MALRD1: variants seen among roughly 807,000 people sequenced by gnomAD.
The protein encoded by MALRD1 is MAM and LDL-receptor class A domain-containing protein 1.
Under a neutral mutation model 242.1 loss-of-function variants are expected in MALRD1, and 247 were observed. The observed-to-expected ratio is 1.02, with a 90% CI of 0.92 to 1.13. The LOEUF (loss-of-function observed/expected upper bound fraction) is 1.13. Ranked by LOEUF, MALRD1 falls within the 50% of genes most tolerant of loss-of-function variation. MALRD1 has a pLI of 0.00. For synonymous variants in MALRD1, 995 were observed against 866.6 expected (o/e 1.15, Z -2.60); for missense variants, 2,989 against 2,533.1 (o/e 1.18, Z -3.86).
Position 19,653,183 on chromosome 10 carries a change from T to C in MALRD1, c.6137+37260T>C, listed in dbSNP as rs188552497. On this transcript the variant is annotated intron_variant, in intron 36 of 39. Coordinates refer to ENST00000454679, the MANE Select transcript of MALRD1 (RefSeq NM_001142308.3). ...TCAGTTTCCATCTCTTGCTGATTTC[T>C]CTTTTATATTTTATTATTATTATTT... Among the ~76,000 whole-genome samples the C allele has an allele frequency of 2.7e-4, 41 of 152,146 alleles. 1 individual carries two copies. The highest frequency in any genetic ancestry group is 2.3e-3 in the Admixed American group (35 of 15,278).
At chr10:19,340,515 A>C (rs902765755) in intron 24 of MALRD1, among the ~76,000 whole-genome samples, 1 of 152,090 alleles carries the variant, frequency 6.6e-6, no homozygotes, top group African/African-American at 2.4e-5. Context: ...TCCAGACATG[A>C]AAGTAAATGT....
At chr10:19,635,099 C>T (rs989141069) in intron 36 of MALRD1, among the ~76,000 whole-genome samples, 3 of 152,108 alleles carry the variant, frequency 2.0e-5, no homozygotes, top group African/African-American at 4.8e-5. Flanking sequence ...AAGGTGATGG[C>T]AGCACAGGGA....
At chr10:19,534,272 A>G (rs1287076809) in intron 32 of MALRD1, among the ~76,000 whole-genome samples, 1 of 152,204 alleles carries the variant, frequency 6.6e-6, no homozygotes, top group African/African-American at 2.4e-5. Flanking sequence ...TATTTTCTCA[A>G]CTATTGCTGT....
intron 33 of MALRD1, among the ~76,000 whole-genome samples, chr10:19,591,674 T>A (rs1300127111): frequency 2.0e-5 from 3 of 152,100 alleles, no homozygotes; most frequent in African/African-American, 7.2e-5. Flanking sequence ...ATTTTTGTAT[T>A]TTTAGAAAAG....
chr10:19,535,872 A>G lies in MALRD1; in HGVS notation c.5478+4521A>G, dbSNP rs541626798. The stretch of plus-strand genomic sequence containing the variant: ...GCTCCAGAGTACATGGTAGATTACA[A>G]TTGTCTGAAAGTATTTCTTAAGTTG... On this transcript the variant is annotated intron_variant, in intron 32 of 39. Transcript: ENST00000454679. Among the ~76,000 whole-genome samples, 7 of 152,288 alleles carry G rather than the reference A, an allele frequency of 4.6e-5. No homozygotes were observed. The East Asian group carries it at 7.7e-4, about 17-fold the overall frequency.
intron 28 of MALRD1, among the ~76,000 whole-genome samples, chr10:19,397,623 C>T (rs1160123508): frequency 2.0e-5 from 3 of 151,970 alleles, no homozygotes; most frequent in African/African-American, 2.4e-5. Flanking sequence ...GTAGATTATA[C>T]GGTAGCTCTG....
intron 28 of MALRD1, among the ~76,000 whole-genome samples, chr10:19,448,136 G>C (rs564137790): frequency 2.6e-4 from 40 of 152,216 alleles, no homozygotes; most frequent in Non-Finnish European, 5.4e-4. Flanking sequence ...CTGAAAACAC[G>C]AAGTTATGAA....
intron 36 of MALRD1, among the ~76,000 whole-genome samples, chr10:19,641,374 A>G (rs1229811566): frequency 6.6e-6 from 1 of 152,220 alleles, no homozygotes; most frequent in Non-Finnish European, 1.5e-5. Flanking sequence ...ATGCAAAAGA[A>G]AAGAATGCAC....
At chr10:19,579,688 G>C (rs1415382875) in intron 33 of MALRD1, among the ~76,000 whole-genome samples, 1 of 152,154 alleles carries the variant, frequency 6.6e-6, no homozygotes, top group Non-Finnish European at 1.5e-5. Context: ...GTGAGTATAG[G>C]TGAGTCTGAA....
intron 36 of MALRD1, among the ~76,000 whole-genome samples, chr10:19,645,742 G>C (rs192768241): frequency 2.3e-4 from 35 of 152,128 alleles, no homozygotes; most frequent in Middle Eastern, 3.4e-3. Flanking sequence ...GTGGGAGGAG[G>C]GGGGAGGGAT....
At chr10:19,705,571 C>A (rs932338874) in intron 38 of MALRD1, among the ~76,000 whole-genome samples, 1 of 152,044 alleles carries the variant, frequency 6.6e-6, no homozygotes, top group Non-Finnish European at 1.5e-5. Context: ...TAACTTTGAG[C>A]AAGAAAAGGG....
At chr10:19,406,177 T>A (rs910846852) in intron 28 of MALRD1, among the ~76,000 whole-genome samples, 5 of 152,226 alleles carry the variant, frequency 3.3e-5, no homozygotes, top group African/African-American at 1.2e-4. Flanking sequence ...TTGGAAACTA[T>A]AAAGCATTTA....
intron 18 of MALRD1, among the ~76,000 whole-genome samples, chr10:19,218,528 G>A (rs1448632133): frequency 6.6e-6 from 1 of 152,048 alleles, no homozygotes; most frequent in Non-Finnish European, 1.5e-5. Context: ...CATGAAACAT[G>A]GTGGTTTTCA....
intron 26 of MALRD1, among the ~76,000 whole-genome samples, chr10:19,371,278 G>C (rs1467588205): frequency 6.6e-6 from 1 of 151,898 alleles, no homozygotes; most frequent in African/African-American, 2.4e-5. Flanking sequence ...AAGAAAAACA[G>C]AATTGGCATT....
At chr10:19,421,368 G>T (rs551056021) in intron 28 of MALRD1, among the ~76,000 whole-genome samples, 42 of 152,290 alleles carry the variant, frequency 2.8e-4, no homozygotes, top group African/African-American at 9.6e-4. Flanking sequence ...CTTTGGAGAT[G>T]AATGGAGAAA....
At chr10:19,299,191 T>A (rs1841836859) in intron 21 of MALRD1, among the ~76,000 whole-genome samples, 1 of 151,968 alleles carries the variant, frequency 6.6e-6, no homozygotes, top group Admixed American at 6.6e-5. Context: ...TTATAATATG[T>A]AAATCATATA....
intron 18 of MALRD1, among the ~76,000 whole-genome samples, chr10:19,216,971 A>T (rs1184874050): frequency 1.3e-5 from 2 of 151,004 alleles, no homozygotes; most frequent in South Asian, 2.1e-4. Context: ...AAAATAAAAT[A>T]AAATTAAAAA....
At chr10:19,300,645 C>G (rs1234387656) in intron 21 of MALRD1, among the ~76,000 whole-genome samples, 2 of 151,950 alleles carry the variant, frequency 1.3e-5, no homozygotes, top group Non-Finnish European at 2.9e-5. Flanking sequence ...GCTGGGATAA[C>G]TGGCTAGATA....
At chr10:19,711,454 GCAAATAATCT>G (rs1834110256) in intron 38 of MALRD1, among the ~76,000 whole-genome samples, 1 of 152,158 alleles carries the variant, frequency 6.6e-6, no homozygotes, top group African/African-American at 2.4e-5. Flanking sequence ...ATATATAAAA[GCAAATAATCT>G]CAATACTGCA....
Sources: allele counts gnomAD v4.1 joint callset (sites outside exome capture counted in the v4.1 genomes callset), GRCh38; gene constraint gnomAD v4.1.1; transcripts MANE v1.5; gene names NCBI Gene and HGNC (gene_info 2026-07-23, HGNC 2026-07-21).